The following DDX6 variants were observed in gnomAD, a reference collection of about 807,000 sequenced individuals.
DDX6 encodes the protein DEAD-box helicase 6.
Under a neutral mutation model 60.6 loss-of-function variants are expected in DDX6, and 7 were observed. The observed-to-expected ratio is 0.12, with a 90% CI of 0.07 to 0.22. The LOEUF (loss-of-function observed/expected upper bound fraction) is 0.22. Ranked by LOEUF, DDX6 falls within the 10% of genes least tolerant of loss-of-function variation. The probability of loss-of-function intolerance (pLI) is 1.00; values close to 1 mark genes in which losing one functional copy is unlikely to be tolerated. For synonymous variants in DDX6, 207 were observed against 201.0 expected, an observed-to-expected ratio of 1.03 and a Z score of -0.25; for missense variants, 270 against 589.9, an observed-to-expected ratio of 0.46 and a Z score of 5.62.
In DDX6 at chr11:118,759,974, C is replaced by T. The variant is rs1555159808; in HGVS notation, c.812G>A (p.Arg271Lys). Residue 271 changes from arginine (R) to lysine (K), a missense_variant, in exon 8 of 14, where the codon AGG (arginine) becomes AAG (lysine). By Grantham distance (26) the Arg-to-Lys change is conservative. Around this residue, in one of 8 missense-constraint regions of DDX6, gnomAD observed 69 missense variants for 208.2 expected, o/e 0.33. Transcript: ENST00000534980. ...EDIILTLPKN[R>K]QILLYSATFP... ...AGTAGCGGAATATAGTAAAATCTGC[C>T]TGTTTTTAGGTAGCGTGAGAATAAT... 3 of 1,613,592 alleles carry T rather than the reference C, an allele frequency of 1.9e-6. No homozygotes were observed. Among genetic ancestry groups the T allele is most frequent in the Non-Finnish European group, 2.5e-6 (3 of 1,179,808 alleles).
At chr11:118,757,492 T>TA (rs1591886976) in intron 9 of DDX6, among the ~76,000 whole-genome samples, 1 of 152,192 alleles carries the variant, frequency 6.6e-6, no homozygotes, top group East Asian at 1.9e-4. Context: ...TATTAGAGTA[T>TA]ATTTCTTAAG....
intron 4 of DDX6, among the ~76,000 whole-genome samples, 192 bp downstream of exon 4, chr11:118,779,440 A>C (rs145713301): frequency 6.6e-6 from 1 of 152,202 alleles, no homozygotes; most frequent in Non-Finnish European, 1.5e-5. Context: ...AGAATATCCT[A>C]AAGAAATACA....
intron 13 of DDX6, among the ~76,000 whole-genome samples, chr11:118,753,598 A>C (rs1860859854): frequency 6.6e-6 from 1 of 151,878 alleles, no homozygotes; most frequent in African/African-American, 2.4e-5. Flanking sequence ...TCGGCCTCCC[A>C]AAGTACTGGG....
At chr11:118,756,170 G>C (rs1168921182) in intron 11 of DDX6, 90 bp downstream of exon 11, 2 of 974,928 alleles carry the variant, frequency 2.1e-6, no homozygotes, top group Non-Finnish European at 3.2e-6. Flanking sequence ...GTCGGACTAT[G>C]TCACAGGTTG....
At chr11:118,763,049 CCTCT>C (rs782579850) in intron 7 of DDX6, among the ~76,000 whole-genome samples, 159 bp downstream of exon 7, 43 of 152,258 alleles carry the variant, frequency 2.8e-4, no homozygotes, top group African/African-American at 7.7e-4. Context: ...TAATCTACTC[CCTCT>C]GACGGGTAAA....
chr11:118,784,526 T>C (rs1424322913), intron 2 of DDX6, among the ~76,000 whole-genome samples: 2 of 151,960 alleles, frequency 1.3e-5, no homozygotes, highest in Admixed American at 6.6e-5. Flanking sequence ...TGACACGATC[T>C]TGGCTCTCTG....
At chr11:118,760,806 G>A (rs1861138510) in intron 7 of DDX6, among the ~76,000 whole-genome samples, 1 of 136,832 alleles carries the variant, frequency 7.3e-6, no homozygotes, top group Non-Finnish European at 1.5e-5. Flanking sequence ...AGGCGACAGG[G>A]CGAGACTACT....
chr11:118,783,129 C>A (rs1011271472), intron 2 of DDX6, among the ~76,000 whole-genome samples: 1 of 151,934 alleles, frequency 6.6e-6, no homozygotes, highest in Non-Finnish European at 1.5e-5. Context: ...TAGAAGTGTT[C>A]TGAGACACTT....
intron 2 of DDX6, among the ~76,000 whole-genome samples, chr11:118,783,693 T>C (rs1242682311): frequency 1.3e-5 from 2 of 149,866 alleles, no homozygotes; most frequent in South Asian, 2.1e-4. Context: ...TCCCAGCTAC[T>C]TGGGAGGCAG....
intron 12 of DDX6, 136 bp from the exon 13 acceptor site, chr11:118,755,023 T>TTAA: frequency 1.2e-6 from 1 of 800,470 alleles, no homozygotes; most frequent in Non-Finnish European, 1.9e-6. Context: ...AAACAACTTC[T>TTAA]TAATGGTCTT....
At chr11:118,780,973 G>A (rs1555164566) in intron 3 of DDX6, 148 bp downstream of exon 3, 1 of 540,912 alleles carries the variant, frequency 1.8e-6, no homozygotes, top group Non-Finnish European at 3.4e-6. Flanking sequence ...GGAATATATA[G>A]CCTGAATATC....
chr11:118,749,696 T>C lies in DDX6; in HGVS notation c.*2409A>G, dbSNP rs533631973. On this transcript the variant is annotated 3_prime_UTR_variant, in exon 14 of 14. Transcript: ENST00000534980. Reference sequence around the variant, plus strand: ...TGCATTTATACTCTTTTCTTCTACATGAATGATCCCTCTTATCTCGCAAGA... The same window carrying C: ...TGCATTTATACTCTTTTCTTCTACACGAATGATCCCTCTTATCTCGCAAGA... 11 of 152,768 alleles carry C rather than the reference T, an allele frequency of 7.2e-5. No individual in the cohort carries two copies. Among genetic ancestry groups the C allele is most frequent in the African/African-American group, 2.4e-4 (10 of 41,578 alleles). 9.5% of individuals were successfully genotyped at this position (152,768 alleles called of 1,614,324 possible).
intron 13 of DDX6, 149 bp downstream of exon 13, chr11:118,754,556 A>C: frequency 1.5e-6 from 1 of 646,554 alleles, no homozygotes; most frequent in Non-Finnish European, 2.5e-6. Flanking sequence ...AACCTCCCAC[A>C]AGAGATATTA....
chr11:118,756,537 A>C (rs1860983549), intron 10 of DDX6, among the ~76,000 whole-genome samples: 1 of 152,232 alleles, frequency 6.6e-6, no homozygotes, highest in African/African-American at 2.4e-5. Flanking sequence ...GTTAACAAAA[A>C]AGTCATTTTT....
At chr11:118,758,515 G>T (rs988324180) in intron 9 of DDX6, among the ~76,000 whole-genome samples, 8 of 151,806 alleles carry the variant, frequency 5.3e-5, no homozygotes, top group African/African-American at 1.9e-4. Context: ...CTGGGATTAT[G>T]GGCACACGCC....
intron 4 of DDX6, among the ~76,000 whole-genome samples, chr11:118,779,258 T>C (rs1307127384): frequency 2.0e-5 from 3 of 151,586 alleles, no homozygotes; most frequent in African/African-American, 2.4e-5. Flanking sequence ...GAAACGCTAA[T>C]GACTAAAAAA....
intron 3 of DDX6, among the ~76,000 whole-genome samples, chr11:118,780,027 A>C (rs1406360726): frequency 6.8e-6 from 1 of 146,276 alleles, no homozygotes; most frequent in Admixed American, 7.0e-5. Context: ...GAGGCAGGAG[A>C]ATCGCTTGAA....
intron 7 of DDX6, among the ~76,000 whole-genome samples, chr11:118,762,135 C>T (rs1336597493): frequency 2.0e-5 from 3 of 151,396 alleles, no homozygotes; most frequent in Non-Finnish European, 4.4e-5. Flanking sequence ...ATTAGCTGAG[C>T]GTGGGTGGTA....
chr11:118,764,639 C>T (rs1417322789), intron 6 of DDX6, among the ~76,000 whole-genome samples: 1 of 152,008 alleles, frequency 6.6e-6, no homozygotes, highest in Non-Finnish European at 1.5e-5. Context: ...CCCGTCTCTA[C>T]TAAAAACACA....
Sources: allele counts gnomAD v4.1 joint callset (sites outside exome capture counted in the v4.1 genomes callset), GRCh38; gene constraint gnomAD v4.1.1; regional missense constraint gnomAD v4.1.1; transcripts MANE v1.5; gene names NCBI Gene and HGNC (gene_info 2026-07-23, HGNC 2026-07-21).